The following SOCS7 variants were observed in gnomAD, a reference collection of about 807,000 sequenced individuals.
SOCS7 encodes the protein NAP-4.
In SOCS7, 18 loss-of-function variants were observed where a neutral mutation model predicts 58.9. The ratio of observed to expected loss-of-function variants is 0.31; its 90% CI spans 0.21 to 0.45. The LOEUF (loss-of-function observed/expected upper bound fraction) is 0.45, where lower values mean the gene tolerates loss of function less well. Among genes scored for constraint, SOCS7 ranks in the 20% least tolerant of loss-of-function variants. SOCS7 has a pLI of 1.00. For synonymous variants in SOCS7, 388 were observed against 364.3 expected (o/e 1.06, Z -0.74); for missense variants, 667 against 837.3 (o/e 0.80, Z 2.51).
At chr17:38,355,113 C>T (rs1458874604) in intron 1 of SOCS7, among the ~76,000 whole-genome samples, 1 of 152,088 alleles carries the variant, frequency 6.6e-6, no homozygotes, top group African/African-American at 2.4e-5. Context: ...TGTGTATAAA[C>T]GTTTGGTTGA....
In SOCS7 at chr17:38,359,765, T is replaced by A. The variant is rs184654084; in HGVS notation, c.981-1946T>A. Among the ~76,000 whole-genome samples, 638 of 150,620 alleles carry A rather than the reference T, an allele frequency of 4.2e-3. 4 individuals are homozygous for A. The highest frequency in any genetic ancestry group is 0.033 in the East Asian group (170 of 5,168). Reference sequence around the variant, plus strand: ...TATATATATATATATATTATTTTTTTAAAAAAATTTTTAATTAAAAAAAAT... The same window carrying A: ...TATATATATATATATATTATTTTTTAAAAAAAATTTTTAATTAAAAAAAAT... On this transcript the variant is annotated intron_variant, in intron 1 of 9. Transcript: ENST00000612932.
At chr17:38,389,045 T>C (rs1024456583) in intron 7 of SOCS7, among the ~76,000 whole-genome samples, 5 of 152,256 alleles carry the variant, frequency 3.3e-5, no homozygotes, top group Admixed American at 3.3e-4. Flanking sequence ...TTTAACCCCA[T>C]GCCAGACTCC....
chr17:38,368,647 A>G (rs997339640), intron 6 of SOCS7, among the ~76,000 whole-genome samples: 3 of 152,006 alleles, frequency 2.0e-5, no homozygotes, highest in African/African-American at 7.3e-5. Flanking sequence ...GATTACAGGC[A>G]TGTGCCACCA....
intron 6 of SOCS7, among the ~76,000 whole-genome samples, chr17:38,373,106 C>CA (rs372032423): frequency 0.067 from 7,536 of 112,896 alleles, 345 homozygotes; most frequent in African/African-American, 0.16. Context: ...AACTCTGTCT[C>CA]AAAAAAAAAA....
Position 38,387,098 on chromosome 17 carries a change from A to T in SOCS7, c.1682-8211A>T, listed in dbSNP as rs1339895270. Reference sequence around the variant, plus strand: ...CTCTTATCTTAAAAAAAAAAAAAAAAAAAAATATATATATATATATATATA... The same window carrying T: ...CTCTTATCTTAAAAAAAAAAAAAAATAAAAATATATATATATATATATATA... On this transcript the variant is annotated intron_variant, in intron 7 of 9. Coordinates refer to ENST00000612932, the MANE Select transcript of SOCS7 (RefSeq NM_014598.4). Among the ~76,000 whole-genome samples, 465 of 88,902 alleles carry T rather than the reference A, an allele frequency of 5.2e-3. 1 individual carries two copies. The highest frequency in any genetic ancestry group is 9.2e-3 in the African/African-American group (123 of 13,332). The allele number at this position is 88,902 out of a possible 152,430, so 58.3% of individuals were successfully genotyped here. A position where few individuals can be genotyped will look rare whatever the true frequency, so the allele number is the denominator to read the frequency against.
rs371505316 is a variant in SOCS7 at position 38,365,390 on chromosome 17, T to C, written c.1233T>C (p.Pro411=). The change falls in exon 4 of 10, where the codon CCT becomes CCC. Residue 411 remains proline (P), a synonymous_variant. Transcript: ENST00000612932. ...SSLQSFPLPP[P]PPPHAPDAFP... ...TGCAGTCTTTCCCCCTACCTCCGCC[T>C]CCTCCACCCCATGCCCCAGGTTAGC... 1 of 1,611,496 alleles carries C rather than the reference T, an allele frequency of 6.2e-7. No homozygotes were observed. The highest frequency in any genetic ancestry group is 1.1e-5 in the South Asian group (1 of 90,674).
chr17:38,368,116 T>C, intron 6 of SOCS7, 66 bp downstream of exon 6: 3 of 1,425,560 alleles, frequency 2.1e-6, no homozygotes, highest in African/African-American at 1.4e-5. Flanking sequence ...TGTCTGACTT[T>C]TTTGTGGAAG....
intron 1 of SOCS7, among the ~76,000 whole-genome samples, chr17:38,355,434 C>G (rs1048924660): frequency 1.3e-5 from 2 of 152,214 alleles, no homozygotes; most frequent in East Asian, 3.8e-4. Context: ...GCCAGTCTTG[C>G]TGGCAGCCTC....
intron 5 of SOCS7, among the ~76,000 whole-genome samples, chr17:38,367,642 G>A (rs1450101348): frequency 6.6e-6 from 1 of 152,200 alleles, no homozygotes; most frequent in African/African-American, 2.4e-5. Context: ...CCAAAGTGTT[G>A]GGATTACAGG....
At chr17:38,395,041 C>A (rs866454614) in intron 7 of SOCS7, among the ~76,000 whole-genome samples, 32 of 152,168 alleles carry the variant, frequency 2.1e-4, no homozygotes, top group South Asian at 8.3e-4. Context: ...CAGAACGAGA[C>A]CCTGTCTCAA....
intron 1 of SOCS7, among the ~76,000 whole-genome samples, chr17:38,353,802 A>G (rs1009914152): frequency 9.2e-5 from 14 of 152,080 alleles, no homozygotes; most frequent in Non-Finnish European, 2.1e-4. Context: ...ATTAGGCGGG[A>G]GTGGTCCCAG....
chr17:38,362,332 C>CTAGGAA (rs1333427733), intron 2 of SOCS7, among the ~76,000 whole-genome samples: 1 of 152,192 alleles, frequency 6.6e-6, no homozygotes, highest in Non-Finnish European at 1.5e-5. Flanking sequence ...AGTTGCTAAA[C>CTAGGAA]TAGGAAGGCT....
At chr17:38,389,899 A>ATATATATATATATG (rs2038143219) in intron 7 of SOCS7, among the ~76,000 whole-genome samples, 16 of 10,186 alleles carry the variant, frequency 1.6e-3, no homozygotes, top group African/African-American at 4.4e-3. Flanking sequence ...ATATATATAT[A>ATATATATATATATG]CACATATAGA....
chr17:38,387,131 A>ATATATATATATATG (rs1163854242), intron 7 of SOCS7, among the ~76,000 whole-genome samples: 2 of 87,904 alleles, frequency 2.3e-5, no homozygotes, highest in African/African-American at 1.3e-4. Flanking sequence ...ATATATATGT[A>ATATATATATATATG]TGTATATATA....
At chr17:38,387,123 A>ATGTGTG (rs1414262368) in intron 7 of SOCS7, among the ~76,000 whole-genome samples, 49 of 105,676 alleles carry the variant, frequency 4.6e-4, no homozygotes, top group African/African-American at 2.2e-3. Flanking sequence ...ATATATATAT[A>ATGTGTG]TATATGTATG....
In SOCS7 at chr17:38,400,244, C is replaced by T. The variant is rs1250315101; in HGVS notation, c.*762C>T. On this transcript the variant is annotated 3_prime_UTR_variant, in exon 10 of 10. Coordinates refer to ENST00000612932, the MANE Select transcript of SOCS7 (RefSeq NM_014598.4). Reference sequence around the variant, plus strand: ...TTAAGTTCCATGACCTGAAGTTAACCCCGTTCTTCCTCTGCTCTCAACCCA... The same window carrying T: ...TTAAGTTCCATGACCTGAAGTTAACTCCGTTCTTCCTCTGCTCTCAACCCA... 3 of 152,156 alleles carry T rather than the reference C, an allele frequency of 2.0e-5. No individual in the cohort carries two copies. The highest frequency in any genetic ancestry group is 7.2e-5 in the African/African-American group (3 of 41,428). 9.4% of individuals were successfully genotyped at this position (152,156 alleles called of 1,614,324 possible).
chr17:38,372,459 C>T (rs1010911545), intron 6 of SOCS7, among the ~76,000 whole-genome samples: 7 of 152,246 alleles, frequency 4.6e-5, no homozygotes, highest in Non-Finnish European at 8.8e-5. Flanking sequence ...AGCCAACTAA[C>T]TCCCTGTTAC....
rs909803453 is a variant in SOCS7, at chr17:38,351,944, C to G, written c.-109C>G. On this transcript the variant is annotated 5_prime_UTR_variant, in exon 1 of 10. Coordinates refer to ENST00000612932, the MANE Select transcript of SOCS7 (RefSeq NM_014598.4). ...TCTATGAGGCAGAGGCCGCGGCGGC[C>G]GTTAGCGCTGTCGCTCCGGGGGCCG... Among the ~76,000 whole-genome samples the G allele has an allele frequency of 6.6e-6, 1 of 151,344 alleles. No individual in the cohort carries two copies. Among genetic ancestry groups the G allele is most frequent in the Non-Finnish European group, 1.5e-5 (1 of 67,758 alleles).
At chr17:38,392,950 TG>T (rs2038190797) in intron 7 of SOCS7, among the ~76,000 whole-genome samples, 1 of 152,126 alleles carries the variant, frequency 6.6e-6, no homozygotes, top group African/African-American at 2.4e-5. Context: ...ATATGTGAAA[TG>T]GGGATGGTGG....
Sources: allele counts gnomAD v4.1 joint callset (sites outside exome capture counted in the v4.1 genomes callset), GRCh38; gene constraint gnomAD v4.1.1; transcripts MANE v1.5; gene names NCBI Gene and HGNC (gene_info 2026-07-23, HGNC 2026-07-21).